Variants in NUP188 observed in about 807,000 individuals in gnomAD.
NUP188 encodes nucleoporin 188, also known as nucleoporin NUP188.
Under a neutral mutation model 223.0 loss-of-function variants are expected in NUP188, and 97 were observed. That is an observed-to-expected ratio of 0.43 (90% CI 0.37 to 0.51). The LOEUF is 0.51. NUP188 is among the 20% of genes least tolerant of loss of function. The pLI is 0.00. For missense variants in NUP188, 1,947 were observed against 2,175.6 expected, an observed-to-expected ratio of 0.89 and a Z score of 2.09; for synonymous variants, 869 against 828.0, an observed-to-expected ratio of 1.05 and a Z score of -0.85.
At chr9:128,948,643 C>CA (rs1841727219) in intron 1 of NUP188, 1 of 152,392 alleles carries the variant, frequency 6.6e-6, no homozygotes, top group Admixed American at 6.6e-5. Context: ...TCGTTCTTCC[C>CA]ACCACCCTCC....
At chr9:128,971,686 G>A (rs967873730) in intron 11 of NUP188, among the ~76,000 whole-genome samples, 2 of 152,166 alleles carry the variant, frequency 1.3e-5, no homozygotes, top group South Asian at 2.1e-4. Flanking sequence ...CCAAAGTGCT[G>A]GGATTACAGG....
rs1491547154 is a variant in NUP188, at chr9:129,007,028, ACT to A, written c.*353_*354del. The A allele has an allele frequency of 9.3e-6, 2 of 215,684 alleles. No homozygotes were observed. The highest frequency in any genetic ancestry group is 2.3e-5 in the African/African-American group (1 of 43,366). 13.4% of individuals were successfully genotyped at this position (215,684 alleles called of 1,614,324 possible). A position where few individuals can be genotyped will look rare whatever the true frequency, so the allele number is the denominator to read the frequency against. Reference sequence around the variant, plus strand: ...CACGGGTTTCAAACCTGTTTTCCACACTCTGTCTTTGCAGTTTTGGTAATTCT... The same window carrying A: ...CACGGGTTTCAAACCTGTTTTCCACACTGTCTTTGCAGTTTTGGTAATTCT... On this transcript the variant is annotated 3_prime_UTR_variant, in exon 44 of 44. Transcript: ENST00000372577.
chr9:128,959,841 G>T (rs967464023), intron 8 of NUP188, among the ~76,000 whole-genome samples: 7 of 151,918 alleles, frequency 4.6e-5, no homozygotes, highest in African/African-American at 1.7e-4. Context: ...CCTGACCTAG[G>T]TTATCATTCT....
intron 8 of NUP188, among the ~76,000 whole-genome samples, chr9:128,959,776 G>A (rs1450956369): frequency 6.6e-6 from 1 of 151,956 alleles, no homozygotes; most frequent in African/African-American, 2.4e-5. Context: ...CCGACCTCAG[G>A]TGATCCACCT....
At chr9:128,968,747 T>C in intron 9 of NUP188, 30 bp downstream of exon 9, 3 of 1,537,934 alleles carry the variant, frequency 2.0e-6, no homozygotes, top group South Asian at 1.1e-5. Context: ...ATCATGGAAC[T>C]TGCAGTGTTT....
Position 129,003,574 on chromosome 9 carries a change from T to G in NUP188, c.4434+120T>G, listed in dbSNP as rs746122359. On this transcript the variant is annotated intron_variant, in intron 38 of 43. Coordinates refer to ENST00000372577, the MANE Select transcript of NUP188 (RefSeq NM_015354.3). The stretch of plus-strand genomic sequence containing the variant: ...ATGTTCCTGAACGGGGGCTTTTCCC[T>G]TGGGGAGCACAGGGTTTGCTGTCAT... 4 of 1,200,046 alleles carry G rather than the reference T, an allele frequency of 3.3e-6. No homozygotes were observed. In the South Asian group the frequency reaches 3.7e-5, roughly 11 times the overall value. The allele number at this position is 1,200,046 out of a possible 1,614,324, so 74.3% of individuals were successfully genotyped here. A position where few individuals can be genotyped will look rare whatever the true frequency, so the allele number is the denominator to read the frequency against.
rs1842821910 is a variant in NUP188 at position 129,006,849 on chromosome 9, A to G, written c.*171A>G. ...CCCACTGACGTTATTTTTATACTAG[A>G]TGAAGAGGTCAACAGCAGGCATGGG... On this transcript the variant is annotated 3_prime_UTR_variant, in exon 44 of 44. Coordinates refer to ENST00000372577, the MANE Select transcript of NUP188 (RefSeq NM_015354.3). 4 of 614,956 alleles carry G rather than the reference A, an allele frequency of 6.5e-6. No individual in the cohort carries two copies. Among genetic ancestry groups the G allele is most frequent in the South Asian group, 2.5e-5 (1 of 39,758 alleles). The allele number at this position is 614,956 out of a possible 1,614,324, so 38.1% of individuals were successfully genotyped here. A position where few individuals can be genotyped will look rare whatever the true frequency, so the allele number is the denominator to read the frequency against.
At chr9:128,973,378 T>A (rs929775302) in intron 12 of NUP188, 129 bp downstream of exon 12, 12 of 628,920 alleles carry the variant, frequency 1.9e-5, no homozygotes, top group East Asian at 2.9e-5. Context: ...CTCATTTTTT[T>A]ATTTACTTTT....
intron 34 of NUP188, among the ~76,000 whole-genome samples, chr9:129,000,994 G>A (rs1016053095): frequency 6.6e-5 from 10 of 152,072 alleles, no homozygotes; most frequent in Admixed American, 4.6e-4. Context: ...CCGAGATCGC[G>A]CCGCTGCACT....
chr9:128,974,340 C>G (rs1054947288), intron 12 of NUP188, among the ~76,000 whole-genome samples: 2 of 151,026 alleles, frequency 1.3e-5, no homozygotes, highest in African/African-American at 2.4e-5. Flanking sequence ...TGTAGTACAT[C>G]TGTCCCAGAC....
intron 2 of NUP188, among the ~76,000 whole-genome samples, chr9:128,951,450 G>T (rs1461714786): frequency 6.6e-6 from 1 of 151,974 alleles, no homozygotes; most frequent in Non-Finnish European, 1.5e-5. Flanking sequence ...CTGCACTCCA[G>T]CCTGGGTGAC....
chr9:128,987,084 AGAGAGTGTGTGTGT>A lies in NUP188; in HGVS notation c.2264+211_2264+224del, dbSNP rs1463271295. 3.0e-3 allele frequency among the ~76,000 whole-genome samples: 387 copies of A among 128,178 alleles called. 2 individuals are homozygous for A. The highest frequency in any genetic ancestry group is 0.011 in the African/African-American group (373 of 34,272). 84.1% of individuals were successfully genotyped at this position (128,178 alleles called of 152,430 possible). ...AGGAATGAGAGAGAGAGAGAGAGAG[AGAGAGTGTGTGTGT>A]GTGTGTGTGTGTGTGTGTGTGTGTG... On this transcript the variant is annotated intron_variant, in intron 22 of 43. Transcript: ENST00000372577.
rs551763156 is a variant in NUP188 at position 128,952,720 on chromosome 9, C to G, written c.88-53C>G. 2.0e-4 allele frequency: 276 copies of G among 1,401,776 alleles called. 1 individual carries two copies. In the African/African-American group the frequency reaches 3.8e-3, roughly 19 times the overall value. 86.8% of individuals were successfully genotyped at this position (1,401,776 alleles called of 1,614,324 possible). On this transcript the variant is annotated intron_variant, in intron 2 of 43. Coordinates refer to ENST00000372577, the MANE Select transcript of NUP188 (RefSeq NM_015354.3). ...CCTGGGTGATAGAGTGAGACTCTGT[C>G]TCAAAAAAAAAAAAAAATACTGCAT...
At chr9:129,006,465 T>C (rs1477980911) in intron 43 of NUP188, 37 bp from the exon 44 acceptor site, 2 of 1,611,772 alleles carry the variant, frequency 1.2e-6, no homozygotes, top group South Asian at 1.1e-5. Context: ...AGTAGCCAGA[T>C]GTGCTGAGCC....
chr9:128,989,985 G>A, intron 24 of NUP188, 135 bp from the exon 25 acceptor site: 1 of 703,746 alleles, frequency 1.4e-6, no homozygotes, highest in Admixed American at 2.0e-5. Context: ...AGCCACCTAG[G>A]TTTGCTGTGG....
rs749584482 is a variant in NUP188 at position 128,986,584 on chromosome 9, A to G, written c.2103A>G (p.Gln701=). 8.1e-6 allele frequency: 13 copies of G among 1,614,162 alleles called. No individual in the cohort carries two copies. The highest frequency in any genetic ancestry group is 1.6e-4 in the Middle Eastern group (1 of 6,062). Residue 701 remains glutamine (Q), a synonymous_variant, in exon 21 of 44, where the codon CAA becomes CAG. Transcript: ENST00000372577. ...GGCAACTTGGTAGTACCCAGAGCCA[A>G]GGACTTGTACCCTGTGTAATGTTTG... ...VKGQLGSTQS[Q]GLVPCVMFVL...
chr9:128,975,323 A>G (rs112721851), intron 12 of NUP188, among the ~76,000 whole-genome samples: 6,277 of 143,826 alleles, frequency 0.044, 417 homozygotes, highest in African/African-American at 0.15. Context: ...TCCTGAGTTC[A>G]TGCCATTCTC....
intron 16 of NUP188, 97 bp from the exon 17 acceptor site, chr9:128,982,805 T>C (rs968970025): frequency 1.9e-6 from 3 of 1,589,218 alleles, no homozygotes; most frequent in Non-Finnish European, 1.7e-6. Flanking sequence ...CCATCAAGAT[T>C]GTGATTTGTC....
intron 32 of NUP188, 101 bp downstream of exon 32, chr9:128,998,724 G>T: frequency 1.1e-6 from 1 of 941,570 alleles, no homozygotes; most frequent in South Asian, 1.4e-5. Context: ...AGCTGGGCTG[G>T]TTTTCCATCT....
Sources: allele counts gnomAD v4.1 joint callset (sites outside exome capture counted in the v4.1 genomes callset), GRCh38; gene constraint gnomAD v4.1.1; transcripts MANE v1.5; gene names NCBI Gene and HGNC (gene_info 2026-07-23, HGNC 2026-07-21).